TENT2: variants seen among roughly 807,000 people sequenced by gnomAD.
TENT2 encodes the protein poly(A) RNA polymerase GLD2.
A neutral mutation model predicts 72.2 loss-of-function variants in TENT2; 44 were observed. That is an observed-to-expected ratio of 0.61 (90% CI 0.48 to 0.78). TENT2 has a LOEUF of 0.78. Ranked by LOEUF, TENT2 falls within the 30% of genes least tolerant of loss-of-function variation. TENT2 has a pLI of 0.00. For synonymous variants in TENT2, 212 were observed against 192.5 expected (o/e 1.10, Z -0.84); for missense variants, 541 against 569.6 (o/e 0.95, Z 0.51).
At chr5:79,678,300 G>C (rs1342335528) in intron 12 of TENT2, among the ~76,000 whole-genome samples, 2 of 152,012 alleles carry the variant, frequency 1.3e-5, no homozygotes, top group East Asian at 3.8e-4. Context: ...TGCCATACAG[G>C]ACCCATGATT....
chr5:79,664,673 G>T (rs1455277656), intron 11 of TENT2, among the ~76,000 whole-genome samples: 5 of 151,318 alleles, frequency 3.3e-5, no homozygotes, highest in Non-Finnish European at 7.4e-5. Flanking sequence ...TTTTAAAGTT[G>T]GCACTACCTG....
At chr5:79,625,093 T>C (rs1447380839) in intron 4 of TENT2, among the ~76,000 whole-genome samples, 2 of 152,214 alleles carry the variant, frequency 1.3e-5, no homozygotes, top group Non-Finnish European at 2.9e-5. Context: ...ATAGCCATTC[T>C]AGTGGGTATG....
intron 4 of TENT2, among the ~76,000 whole-genome samples, chr5:79,639,878 T>C (rs1783013581): frequency 6.6e-6 from 1 of 152,182 alleles, no homozygotes. Flanking sequence ...TGTTGTGATA[T>C]GTAGCCCATT....
At chr5:79,657,063 A>T in intron 11 of TENT2, 62 bp downstream of exon 11, 1 of 1,143,440 alleles carries the variant, frequency 8.7e-7, no homozygotes, top group Non-Finnish European at 1.3e-6. Flanking sequence ...GAACTATTAT[A>T]AGTAGTATTA....
chr5:79,683,923 C>CAAAAAAAA (rs761567083), intron 14 of TENT2, among the ~76,000 whole-genome samples: 8 of 41,562 alleles, frequency 1.9e-4, no homozygotes, highest in Admixed American at 1.0e-3. Flanking sequence ...GACTCCGTCT[C>CAAAAAAAA]AAAAAAAAAA....
At chr5:79,684,044 G>A (rs1824593744) in intron 14 of TENT2, among the ~76,000 whole-genome samples, 1 of 151,298 alleles carries the variant, frequency 6.6e-6, no homozygotes, top group African/African-American at 2.4e-5. Flanking sequence ...TGCTACATTG[G>A]TGTTCTTATT....
chr5:79,620,074 GAGGA>G lies in TENT2; in HGVS notation c.225_227+1del. The G allele has an allele frequency of 1.3e-6, 2 of 1,599,456 alleles. No individual in the cohort carries two copies. The highest frequency in any genetic ancestry group is 1.7e-6 in the Non-Finnish European group (2 of 1,168,164). On this transcript the variant is annotated frameshift_variant, in exon 3 of 15. Coordinates refer to ENST00000453514, the MANE Select transcript of TENT2 (RefSeq NM_001114394.3). LOFTEE classifies it high-confidence loss of function. ...CAGACCTCAGCTTCCCCATTATTTC[GAGGA>G]AGGAAGTAAGTACTTCTTAATTATT...
chr5:79,656,931 G>A (rs1447679574), intron 10 of TENT2, 27 bp from the exon 11 acceptor site: 2 of 1,579,656 alleles, frequency 1.3e-6, no homozygotes. Context: ...GTGAATCACG[G>A]AAGCTTTAAA....
At chr5:79,652,156 GATGTACATGTAAAGCT>G (rs1050250110) in intron 10 of TENT2, among the ~76,000 whole-genome samples, 9 of 151,906 alleles carry the variant, frequency 5.9e-5, no homozygotes, top group Non-Finnish European at 1.0e-4. Context: ...TACATATATG[GATGTACATGTAAAGCT>G]ATTTTTTTAT....
intron 4 of TENT2, among the ~76,000 whole-genome samples, chr5:79,631,576 G>A (rs1256662545): frequency 6.6e-6 from 1 of 152,164 alleles, no homozygotes; most frequent in Non-Finnish European, 1.5e-5. Flanking sequence ...CGTTGAAATC[G>A]GTTGAGGAAA....
rs547637345 is a variant in TENT2 at position 79,666,836 on chromosome 5, T to A, written c.1072-2056T>A. 2.6e-5 allele frequency among the ~76,000 whole-genome samples: 4 copies of A among 152,298 alleles called. No individual in the cohort carries two copies. In the South Asian group the frequency reaches 8.3e-4, roughly 32 times the overall value. The stretch of plus-strand genomic sequence containing the variant: ...ATCCTTCTGCCTTGGCCTCCCAAAG[T>A]GCTGGGATTACAAGCTTGAGCCACC... On this transcript the variant is annotated intron_variant, in intron 11 of 14. Coordinates refer to ENST00000453514, the MANE Select transcript of TENT2 (RefSeq NM_001114394.3).
intron 12 of TENT2, among the ~76,000 whole-genome samples, chr5:79,675,620 T>C (rs1185549001): frequency 6.6e-6 from 1 of 152,160 alleles, no homozygotes; most frequent in Admixed American, 6.5e-5. Context: ...TGGGAAAGAA[T>C]TGGGGAGTAG....
chr5:79,659,688 G>A (rs959846656), intron 11 of TENT2, among the ~76,000 whole-genome samples: 1 of 147,398 alleles, frequency 6.8e-6, no homozygotes, highest in Non-Finnish European at 1.5e-5. Context: ...AACTTGCAAG[G>A]TATTATTCCT....
At chr5:79,671,893 A>G (rs780995970) in intron 12 of TENT2, among the ~76,000 whole-genome samples, 14 of 152,032 alleles carry the variant, frequency 9.2e-5, no homozygotes, top group Non-Finnish European at 1.5e-4. Context: ...ACTTGAGCCC[A>G]GAAGTTTGAG....
intron 11 of TENT2, among the ~76,000 whole-genome samples, chr5:79,663,976 A>G (rs1339953006): frequency 6.6e-6 from 1 of 152,298 alleles, no homozygotes; most frequent in East Asian, 1.9e-4. Flanking sequence ...CATCAAAAAT[A>G]TTCAGGAAAA....
At position 79,657,699 on chromosome 5, in the gene TENT2, T is replaced by G. The variant is rs144534613; in HGVS notation, c.1071+698T>G. 3.9e-3 allele frequency among the ~76,000 whole-genome samples: 598 copies of G among 152,320 alleles called. 2 individuals carry two copies. The highest frequency in any genetic ancestry group is 0.012 in the African/African-American group (518 of 41,572). On this transcript the variant is annotated intron_variant, in intron 11 of 14. Coordinates refer to ENST00000453514, the MANE Select transcript of TENT2 (RefSeq NM_001114394.3). Reference sequence around the variant, plus strand: ...CTCCAGAATTCTCTGTTTCTTTGTTTTATATCATTAGTGTTTTCCTCCATA... The same window carrying G: ...CTCCAGAATTCTCTGTTTCTTTGTTGTATATCATTAGTGTTTTCCTCCATA...
chr5:79,685,979 C>T lies in TENT2; in HGVS notation c.*706C>T, dbSNP rs1825909679. ...CTAACTCTTACAACAGTTAGTGAAT[C>T]GTTTTAAAGAATCAGTTCAGTGTAG... is the stretch of plus-strand genomic sequence containing the variant. On this transcript the variant is annotated 3_prime_UTR_variant, in exon 15 of 15. Transcript: ENST00000453514. 1 of 152,554 alleles carries T rather than the reference C, an allele frequency of 6.6e-6. No homozygotes were observed. The highest frequency in any genetic ancestry group is 6.5e-5 in the Admixed American group (1 of 15,276). 9.5% of individuals were successfully genotyped at this position (152,554 alleles called of 1,614,324 possible).
chr5:79,649,829 T>A (rs902574533), intron 10 of TENT2, among the ~76,000 whole-genome samples: 28 of 152,198 alleles, frequency 1.8e-4, no homozygotes, highest in African/African-American at 5.5e-4. Flanking sequence ...TAGGACAGAC[T>A]GACTGGATCT....
At chr5:79,640,255 CAAAAA>C (rs35865367) in intron 4 of TENT2, among the ~76,000 whole-genome samples, 1 of 101,758 alleles carries the variant, frequency 9.8e-6, no homozygotes, top group Non-Finnish European at 2.3e-5. Flanking sequence ...GACTCCGTCT[CAAAAA>C]AAAAAAAAAA....
Sources: gnomAD v4.1 joint callset for allele counts (sites outside exome capture counted in the v4.1 genomes callset) on GRCh38, gnomAD v4.1.1 for gene constraint, MANE v1.5 for transcripts, NCBI Gene and HGNC (gene_info 2026-07-23, HGNC 2026-07-21) for gene names.